STAT4: variants seen among roughly 807,000 people sequenced by gnomAD.
STAT4 encodes the protein signal transducer and activator of transcription 4.
Under a neutral mutation model 110.5 loss-of-function variants are expected in STAT4, and 42 were observed. The ratio of observed to expected loss-of-function variants is 0.38; its 90% CI spans 0.30 to 0.49. The LOEUF is 0.49. Ranked by LOEUF, STAT4 falls within the 20% of genes least tolerant of loss-of-function variation. STAT4 has a pLI of 0.95. For synonymous variants in STAT4, 284 were observed against 302.2 expected (o/e 0.94, Z 0.63); for missense variants, 632 against 887.9 (o/e 0.71, Z 3.66).
intron 3 of STAT4, among the ~76,000 whole-genome samples, chr2:191,108,239 C>T (rs186926611): frequency 2.1e-3 from 316 of 150,650 alleles, no homozygotes; most frequent in Non-Finnish European, 3.6e-3. Context: ...TACAGTGAGC[C>T]GAGATCGCGC....
Position 191,036,190 on chromosome 2 carries a change from A to T in STAT4, c.1544T>A (p.Leu515His). Residue 515 changes from leucine (L) to histidine (H), a missense_variant, in exon 17 of 24, where the codon CTC becomes CAC. By Grantham distance (99) the Leu-to-His change is moderately conservative (BLOSUM62 -3). Coordinates refer to ENST00000392320, the MANE Select transcript of STAT4 (RefSeq NM_003151.4). ...YVGRGLNSDQ[L>H]HMLAEKLTVQ... ...TGTAAGCTTCTCTGCCAGCATATGGAGTTGATCTGAGTTAAGACCACGACC... is the reference window on the plus strand; with the variant it reads ...TGTAAGCTTCTCTGCCAGCATATGGTGTTGATCTGAGTTAAGACCACGACC... 6.2e-7 allele frequency: 1 copy of T among 1,614,116 alleles called. No individual in the cohort carries two copies. Among genetic ancestry groups the T allele is most frequent in the Non-Finnish European group, 8.5e-7 (1 of 1,180,000 alleles).
In STAT4 at chr2:191,050,448, ATGT is replaced by A; in HGVS notation, c.1251+4039_1251+4041del. Among the ~76,000 whole-genome samples, 1 of 152,348 alleles carries A rather than the reference ATGT, an allele frequency of 6.6e-6. No homozygotes were observed. The highest frequency in any genetic ancestry group is 2.4e-5 in the African/African-American group (1 of 41,582). On this transcript the variant is annotated intron_variant, in intron 14 of 23. Coordinates refer to ENST00000392320, the MANE Select transcript of STAT4 (RefSeq NM_003151.4). The surrounding 1 kb of genome is among the most constrained non-coding windows in gnomAD (Gnocchi z 4.3). ...AGCGTGTCTACAGATTCCTCAAGGA[ATGT>A]TGTGAAATTCCAAAGCAAATTCTTA...
intron 1 of STAT4, 77 bp from the exon 2 acceptor site, chr2:191,148,281 A>G: frequency 6.6e-7 from 1 of 1,524,836 alleles, no homozygotes; most frequent in Non-Finnish European, 8.8e-7. Context: ...TTTCCTTAGA[A>G]TTAGTCAATG....
intron 3 of STAT4, among the ~76,000 whole-genome samples, chr2:191,126,747 AC>A (rs1192429806): frequency 6.6e-6 from 1 of 152,166 alleles, no homozygotes; most frequent in Admixed American, 6.5e-5. Flanking sequence ...TTCTGTAAGT[AC>A]CCAGGATGAC....
Position 191,110,151 on chromosome 2 carries a change from T to C in STAT4, c.274-33826A>G, listed in dbSNP as rs1442696852. The stretch of plus-strand genomic sequence containing the variant: ...GAGGAAACACTACTTCATGTCCCTA[T>C]GGAAACATGACCACAAAACCATTCC... On this transcript the variant is annotated intron_variant, in intron 3 of 23. Coordinates refer to ENST00000392320, the MANE Select transcript of STAT4 (RefSeq NM_003151.4). The surrounding 1 kb of genome is among the most constrained non-coding windows in gnomAD (Gnocchi z 4.5). Among the ~76,000 whole-genome samples, 1 of 152,178 alleles carries C rather than the reference T, an allele frequency of 6.6e-6. No individual in the cohort carries two copies. The highest frequency in any genetic ancestry group is 1.5e-5 in the Non-Finnish European group (1 of 68,032).
At position 191,148,138 on chromosome 2, in the gene STAT4, A is replaced by G; in HGVS notation, c.66T>C (p.Tyr22=). The part of the protein sequence containing the change: ...IKFLEQVDQF[Y]DDNFPMEIRH... ...GAATTTCCATGGGAAAGTTGTCATC[A>G]TAGAATTGATCCACCTGCTCCAAAA... is the stretch of plus-strand genomic sequence containing the variant. Residue 22 remains tyrosine (Y), a synonymous_variant, in exon 2 of 24, where the codon TAT becomes TAC. Coordinates refer to ENST00000392320, the MANE Select transcript of STAT4 (RefSeq NM_003151.4). The G allele has an allele frequency of 1.2e-6, 2 of 1,614,012 alleles. No homozygotes were observed. The highest frequency in any genetic ancestry group is 3.3e-4 in the Middle Eastern group (2 of 6,060).
chr2:191,039,568 A>G lies in STAT4; in HGVS notation c.1336-271T>C, dbSNP rs868730606. Among the ~76,000 whole-genome samples the G allele has an allele frequency of 5.3e-5, 8 of 152,326 alleles. No homozygotes were observed. The Middle Eastern group carries it at 0.01, about 194-fold the overall frequency. ...GTATCTCCCCTGACATTGCGGACAC[A>G]TTTATACTTTTTAAATGTCACCCAC... On this transcript the variant is annotated intron_variant, in intron 15 of 23. Coordinates refer to ENST00000392320, the MANE Select transcript of STAT4 (RefSeq NM_003151.4). This position sits in a 1 kb window ranked among gnomAD's most constrained non-coding sequence, Gnocchi z 4.7.
Position 191,120,509 on chromosome 2 carries a change from C to T in STAT4, c.273+26104G>A, listed in dbSNP as rs1199305890. 3.3e-5 allele frequency among the ~76,000 whole-genome samples: 5 copies of T among 152,092 alleles called. No individual in the cohort carries two copies. In the South Asian group the frequency reaches 8.3e-4, roughly 25 times the overall value. On this transcript the variant is annotated intron_variant, in intron 3 of 23. Transcript: ENST00000392320. The stretch of plus-strand genomic sequence containing the variant: ...CTCTAGCATGGGTGACAGAGCAAAA[C>T]CTTGTCTCAACCAATCAACAGGCAA...
chr2:191,140,503 T>A lies in STAT4; in HGVS notation c.273+6110A>T, dbSNP rs573788949. The stretch of plus-strand genomic sequence containing the variant: ...AACATGTAAAAATGCTCAACATCAC[T>A]AATTGTCAGTAAAATACAAATTAAA... On this transcript the variant is annotated intron_variant, in intron 3 of 23. Coordinates refer to ENST00000392320, the MANE Select transcript of STAT4 (RefSeq NM_003151.4). This position sits in a 1 kb window ranked among gnomAD's most constrained non-coding sequence, Gnocchi z 4.4. Among the ~76,000 whole-genome samples, 1 of 152,310 alleles carries A rather than the reference T, an allele frequency of 6.6e-6. No individual in the cohort carries two copies. Among genetic ancestry groups the A allele is most frequent in the African/African-American group, 2.4e-5 (1 of 41,588 alleles).
intron 3 of STAT4, among the ~76,000 whole-genome samples, chr2:191,084,091 G>A (rs1046513853): frequency 4.6e-5 from 7 of 151,860 alleles, no homozygotes; most frequent in African/African-American, 9.7e-5. Context: ...GTGAAACCCC[G>A]TCTGTACTAA....
intron 3 of STAT4, among the ~76,000 whole-genome samples, chr2:191,126,032 T>C (rs1266993746): frequency 6.6e-6 from 1 of 152,194 alleles, no homozygotes; most frequent in African/African-American, 2.4e-5. Flanking sequence ...AATTTAGAGA[T>C]CTACTAAGTT....
In STAT4 at chr2:191,143,982, G is replaced by A. The variant is rs1331994580; in HGVS notation, c.273+2631C>T. Among the ~76,000 whole-genome samples, 2 of 152,154 alleles carry A rather than the reference G, an allele frequency of 1.3e-5. No individual in the cohort carries two copies. Among genetic ancestry groups the A allele is most frequent in the African/African-American group, 4.8e-5 (2 of 41,436 alleles). On this transcript the variant is annotated intron_variant, in intron 3 of 23. Transcript: ENST00000392320. The surrounding 1 kb of genome is among the most constrained non-coding windows in gnomAD (Gnocchi z 5.6). ...GATTTTTACTACTAGCTTCTGTGTT[G>A]TTAATACAAATGCCCAGTAAGCACA...
chr2:191,096,709 C>T (rs559102303), intron 3 of STAT4, among the ~76,000 whole-genome samples: 27 of 152,224 alleles, frequency 1.8e-4, no homozygotes, highest in African/African-American at 5.1e-4. Flanking sequence ...AAAACCAGCA[C>T]GAGACAAGAA....
rs2125459307 is a variant in STAT4, at chr2:191,146,490, G to GT, written c.273+122dup. ...AAATTGAGCACAAAATTTGTAAGTG[G>GT]TAAGACAACTCAATTTTCCCCTAAA... On this transcript the variant is annotated intron_variant, in intron 3 of 23. Transcript: ENST00000392320. This position sits in a 1 kb window ranked among gnomAD's most constrained non-coding sequence, Gnocchi z 4.5. The GT allele has an allele frequency of 1.1e-6, 1 of 940,222 alleles. No individual in the cohort carries two copies. The highest frequency in any genetic ancestry group is 4.0e-5 in the South Asian group (1 of 25,134). 58.2% of individuals were successfully genotyped at this position (940,222 alleles called of 1,614,324 possible). A position where few individuals can be genotyped will look rare whatever the true frequency, so the allele number is the denominator to read the frequency against.
intron 6 of STAT4, among the ~76,000 whole-genome samples, chr2:191,067,395 C>T (rs573318826): frequency 6.6e-6 from 1 of 152,134 alleles, no homozygotes; most frequent in East Asian, 1.9e-4. Flanking sequence ...GCCTTTGATC[C>T]CTTCCCTGAA....
rs963348714 is a variant in STAT4 at position 191,099,411 on chromosome 2, G to A, written c.274-23086C>T. ...CCCATAATAATATATGTACAAGATC[G>A]TTTGTTTCAATCCTGTTTATAGTGG... On this transcript the variant is annotated intron_variant, in intron 3 of 23. Coordinates refer to ENST00000392320, the MANE Select transcript of STAT4 (RefSeq NM_003151.4). The surrounding 1 kb of genome is among the most constrained non-coding windows in gnomAD (Gnocchi z 4.1). 2.6e-5 allele frequency among the ~76,000 whole-genome samples: 4 copies of A among 152,030 alleles called. No homozygotes were observed. The highest frequency in any genetic ancestry group is 5.9e-5 in the Non-Finnish European group (4 of 67,960).
At position 191,058,096 on chromosome 2, in the gene STAT4, T is replaced by C. The variant is rs1247408172; in HGVS notation, c.1128A>G (p.Val376=). ...TGGCTTTGACATTAGTTCCACAAAG[T>C]ACAAATCTTCGGTTGCTGGAGAGGA... ...NVSTLSNRRF[V]LCGTNVKAMS... is the part of the protein sequence containing the mutation. The change falls in exon 13 of 24, where the codon GTA becomes GTG. Residue 376 remains valine (V), a synonymous_variant. Coordinates refer to ENST00000392320, the MANE Select transcript of STAT4 (RefSeq NM_003151.4). This position sits in a 1 kb window ranked among gnomAD's most constrained non-coding sequence, Gnocchi z 4.3. 1 of 1,613,934 alleles carries C rather than the reference T, an allele frequency of 6.2e-7. No individual in the cohort carries two copies. Among genetic ancestry groups the C allele is most frequent in the Non-Finnish European group, 8.5e-7 (1 of 1,179,972 alleles).
At chr2:191,052,979 G>A (rs368786892) in intron 14 of STAT4, among the ~76,000 whole-genome samples, 1 of 152,170 alleles carries the variant, frequency 6.6e-6, no homozygotes, top group Non-Finnish European at 1.5e-5. Flanking sequence ...CTGGAAGACT[G>A]AGCTCATCTT....
At chr2:191,084,277 G>T (rs1394677092) in intron 3 of STAT4, among the ~76,000 whole-genome samples, 1 of 150,604 alleles carries the variant, frequency 6.6e-6, no homozygotes, top group African/African-American at 2.4e-5. Flanking sequence ...AAAAAAAATA[G>T]AACTTTTTTT....
Sources: allele counts gnomAD v4.1 joint callset (sites outside exome capture counted in the v4.1 genomes callset), GRCh38; gene constraint gnomAD v4.1.1; non-coding constraint Gnocchi (gnomAD v3.1); transcripts MANE v1.5; gene names NCBI Gene and HGNC (gene_info 2026-07-23, HGNC 2026-07-21).